The following FEZ1 variants were observed in gnomAD, a reference collection of about 807,000 sequenced individuals.
FEZ1 encodes the protein fasciculation and elongation protein zeta-1.
FEZ1 carries 20 observed loss-of-function variants against 49.3 expected under a neutral mutation model. The ratio of observed to expected loss-of-function variants is 0.41; its 90% CI spans 0.29 to 0.59. FEZ1 has a LOEUF of 0.59. Among genes scored for constraint, FEZ1 ranks in the 20% least tolerant of loss-of-function variants. The probability of loss-of-function intolerance (pLI) is 0.36; values close to 1 mark genes in which losing one functional copy is unlikely to be tolerated. For missense variants in FEZ1, 413 were observed against 476.0 expected (o/e 0.87, Z 1.23); for synonymous variants, 170 against 180.9 (o/e 0.94, Z 0.48).
Position 125,475,515 on chromosome 11 carries a change from GA to G in FEZ1, c.411+6018del, listed in dbSNP as rs1488684223. ...AGTTTGGTAGTTCCTTAAAAATTTA[GA>G]CATGGGAGTTAAATGATGAGAACAA... On this transcript the variant is annotated intron_variant, in intron 3 of 9. Coordinates refer to ENST00000278919, the MANE Select transcript of FEZ1 (RefSeq NM_005103.5). Among the ~76,000 whole-genome samples the G allele has an allele frequency of 2.0e-5, 3 of 152,142 alleles. No individual in the cohort carries two copies. The East Asian group carries it at 5.8e-4, about 29-fold the overall frequency.
At chr11:125,494,135 A>T (rs1957434143) in intron 1 of FEZ1, among the ~76,000 whole-genome samples, 1 of 152,242 alleles carries the variant, frequency 6.6e-6, no homozygotes, top group African/African-American at 2.4e-5. Flanking sequence ...TGCTGCATGA[A>T]TGACCATCTG....
At chr11:125,482,139 G>A (rs1209934210) in intron 2 of FEZ1, among the ~76,000 whole-genome samples, 2 of 152,116 alleles carry the variant, frequency 1.3e-5, no homozygotes, top group African/African-American at 2.4e-5. Flanking sequence ...GTTTATAACC[G>A]TTTCAGTTTC....
At chr11:125,493,172 C>CA (rs576444823) in intron 1 of FEZ1, among the ~76,000 whole-genome samples, 4,031 of 134,848 alleles carry the variant, frequency 0.03, 152 homozygotes, top group African/African-American at 0.089. Context: ...ACTAAAAATA[C>CA]AAAAAAAAAA....
chr11:125,495,090 G>A lies in FEZ1; in HGVS notation c.-46+1031C>T, dbSNP rs1450468128. Reference sequence around the variant, plus strand: ...ACAGAAAAAGTATTTCGTTGCATATGGATCAGCAACCCCTTCGCGGTTCTG... The same window carrying A: ...ACAGAAAAAGTATTTCGTTGCATATAGATCAGCAACCCCTTCGCGGTTCTG... On this transcript the variant is annotated intron_variant, in intron 1 of 9. Coordinates refer to ENST00000278919, the MANE Select transcript of FEZ1 (RefSeq NM_005103.5). The surrounding 1 kb of genome is among the most constrained non-coding windows in gnomAD (Gnocchi z 4.2). 1 of 339,186 alleles carries A rather than the reference G, an allele frequency of 2.9e-6. No homozygotes were observed. The highest frequency in any genetic ancestry group is 5.9e-6 in the Non-Finnish European group (1 of 168,232). 21.0% of individuals were successfully genotyped at this position (339,186 alleles called of 1,614,324 possible).
chr11:125,463,407 G>A (rs1957093827), intron 4 of FEZ1, 77 bp downstream of exon 4: 2 of 808,658 alleles, frequency 2.5e-6, no homozygotes, highest in South Asian at 1.5e-5. Flanking sequence ...TTAAATGGAT[G>A]TGGCAAGTGT....
intron 2 of FEZ1, among the ~76,000 whole-genome samples, chr11:125,484,094 G>C (rs1957307057): frequency 6.6e-6 from 1 of 152,168 alleles, no homozygotes; most frequent in African/African-American, 2.4e-5. Context: ...TTAAGATAAA[G>C]CAGCTTTCTT....
intron 4 of FEZ1, among the ~76,000 whole-genome samples, chr11:125,461,743 A>G (rs12223186): frequency 0.34 from 52,324 of 152,190 alleles, 9,215 homozygotes; most frequent in South Asian, 0.5. Flanking sequence ...TGGATGGACT[A>G]AAGTCCCCGA....
chr11:125,490,756 G>A (rs1957373742), intron 1 of FEZ1, among the ~76,000 whole-genome samples: 1 of 152,076 alleles, frequency 6.6e-6, no homozygotes, highest in Non-Finnish European at 1.5e-5. Flanking sequence ...ATAAATGCCT[G>A]AGTTGTTTTT....
chr11:125,445,875 G>C lies in FEZ1; in HGVS notation c.*220C>G, dbSNP rs547232851. The C allele has an allele frequency of 3.4e-6, 2 of 594,798 alleles. No individual in the cohort carries two copies. Among genetic ancestry groups the C allele is most frequent in the Non-Finnish European group, 6.3e-6 (2 of 318,786 alleles). 36.8% of individuals were successfully genotyped at this position (594,798 alleles called of 1,614,324 possible). On this transcript the variant is annotated 3_prime_UTR_variant, in exon 10 of 10. Coordinates refer to ENST00000278919, the MANE Select transcript of FEZ1 (RefSeq NM_005103.5). This position sits in a 1 kb window ranked among gnomAD's most constrained non-coding sequence, Gnocchi z 4.4. The stretch of plus-strand genomic sequence containing the variant: ...CCTTCCCCTCTCCTGACACCAGCAA[G>C]GGGGAGGCACCATCACCGGCCCTGC...
chr11:125,459,009 T>C lies in FEZ1; in HGVS notation c.667+1489A>G, dbSNP rs372822341. 4.1e-4 allele frequency among the ~76,000 whole-genome samples: 62 copies of C among 152,054 alleles called. No individual in the cohort carries two copies. The South Asian group carries it at 7.5e-3, about 18-fold the overall frequency. On this transcript the variant is annotated intron_variant, in intron 5 of 9. Coordinates refer to ENST00000278919, the MANE Select transcript of FEZ1 (RefSeq NM_005103.5). The stretch of plus-strand genomic sequence containing the variant: ...TGAACCTGGGAGGCGGAGGTTGCAG[T>C]GAGCAGAGATCATGCCACTGCACTC...
chr11:125,445,686 C>T lies in FEZ1; in HGVS notation c.*409G>A. 1.8e-5 allele frequency: 6 copies of T among 335,166 alleles called. No individual in the cohort carries two copies. The highest frequency in any genetic ancestry group is 1.4e-4 in the South Asian group (6 of 42,084). The allele number at this position is 335,166 out of a possible 1,614,324, so 20.8% of individuals were successfully genotyped here. On this transcript the variant is annotated 3_prime_UTR_variant, in exon 10 of 10. Coordinates refer to ENST00000278919, the MANE Select transcript of FEZ1 (RefSeq NM_005103.5). This position sits in a 1 kb window ranked among gnomAD's most constrained non-coding sequence, Gnocchi z 4.4. ...AGGCCGGCGTGCAAAGAATGCTATA[C>T]AGCCCGTCTCTGGAGTCTGGAGCAG...
intron 8 of FEZ1, among the ~76,000 whole-genome samples, chr11:125,452,096 C>A (rs1358611674): frequency 1.3e-5 from 2 of 151,860 alleles, no homozygotes; most frequent in African/African-American, 4.8e-5. Flanking sequence ...TTTTTTTTTC[C>A]CCCAGCAGGC....
intron 4 of FEZ1, among the ~76,000 whole-genome samples, chr11:125,463,074 C>T (rs1001453699): frequency 1.3e-5 from 2 of 150,110 alleles, no homozygotes; most frequent in African/African-American, 4.9e-5. Context: ...TTGAGGTGGG[C>T]AGATCACTTG....
At chr11:125,473,818 CAAAA>C (rs141159400) in intron 3 of FEZ1, among the ~76,000 whole-genome samples, 5 of 102,106 alleles carry the variant, frequency 4.9e-5, no homozygotes, top group East Asian at 2.9e-4. Flanking sequence ...GACTCCATTT[CAAAA>C]AAAAAAAAAA....
Position 125,489,609 on chromosome 11 carries a change from T to C in FEZ1, c.169A>G (p.Lys57Glu). ...TCATTTACGAGGTCCTCCATGGACT[T>C]GAAGCTGATTATTTCGGAAGAAAAA... Reference protein sequence around the residue: ...ENFSSEIISFKSMEDLVNEFD... With the variant: ...ENFSSEIISFESMEDLVNEFD... The change falls in exon 2 of 10, where the codon AAG becomes GAG. Residue 57 changes from lysine to glutamate, a missense_variant. Coordinates refer to ENST00000278919, the MANE Select transcript of FEZ1 (RefSeq NM_005103.5). This position sits in a 1 kb window ranked among gnomAD's most constrained non-coding sequence, Gnocchi z 4.2. 1 of 1,614,194 alleles carries C rather than the reference T, an allele frequency of 6.2e-7. No individual in the cohort carries two copies. The highest frequency in any genetic ancestry group is 8.5e-7 in the Non-Finnish European group (1 of 1,180,022).
intron 7 of FEZ1, 50 bp from the exon 8 acceptor site, chr11:125,452,459 T>C (rs1482220362): frequency 2.4e-6 from 3 of 1,250,010 alleles, no homozygotes; most frequent in East Asian, 4.6e-5. Flanking sequence ...ACATGCTTCC[T>C]CTGGGTTGAG....
rs554675387 is a variant in FEZ1, at chr11:125,455,057, A to G, written c.939+778T>C. Among the ~76,000 whole-genome samples the G allele has an allele frequency of 1.8e-3, 264 of 150,034 alleles. 6 individuals are homozygous for G. The highest frequency in any genetic ancestry group is 4.6e-3 in the African/African-American group (189 of 40,864). ...AAAAAAAAAATGAACCATGAGAACC[A>G]GGGGTTTGGGTTAAACCCAAAAATA... On this transcript the variant is annotated intron_variant, in intron 6 of 9. Transcript: ENST00000278919.
chr11:125,488,898 C>G lies in FEZ1; in HGVS notation c.311+569G>C. The G allele has an allele frequency of 4.1e-6, 4 of 985,430 alleles. No homozygotes were observed. In the South Asian group the frequency reaches 1.9e-4, roughly 46 times the overall value. 61.0% of individuals were successfully genotyped at this position (985,430 alleles called of 1,614,324 possible). On this transcript the variant is annotated intron_variant, in intron 2 of 9. Coordinates refer to ENST00000278919, the MANE Select transcript of FEZ1 (RefSeq NM_005103.5). ...GTAGCGAGCAAGTGATACAAGGAAT[C>G]TGCATACTCAAAGGCCACATCACCT...
At chr11:125,478,481 G>A (rs926975583) in intron 3 of FEZ1, among the ~76,000 whole-genome samples, 4 of 152,166 alleles carry the variant, frequency 2.6e-5, no homozygotes, top group Admixed American at 1.3e-4. Context: ...CCACTTAAGT[G>A]GAGGTATGAG....
Sources: gnomAD v4.1 joint callset for allele counts (sites outside exome capture counted in the v4.1 genomes callset) on GRCh38, gnomAD v4.1.1 for gene constraint, Gnocchi (gnomAD v3.1) non-coding constraint, MANE v1.5 for transcripts, NCBI Gene and HGNC (gene_info 2026-07-23, HGNC 2026-07-21) for gene names.